NDE1: variants seen among roughly 807,000 people sequenced by gnomAD.
NDE1 encodes nudE neurodevelopment protein 1, also known as nuclear distribution protein nudE homolog 1.
In NDE1, 28 loss-of-function variants were observed where a neutral mutation model predicts 43.4. The observed-to-expected ratio is 0.65, with a 90% CI of 0.48 to 0.89. The LOEUF is 0.89. NDE1 is among the 40% of genes least tolerant of loss of function. The probability of loss-of-function intolerance (pLI) is 0.00; values close to 1 mark genes in which losing one functional copy is unlikely to be tolerated. For missense variants in NDE1, 441 were observed against 434.1 expected (o/e 1.02, Z -0.14); for synonymous variants, 184 against 172.0 (o/e 1.07, Z -0.55).
At chr16:15,649,097 G>A (rs1164545779), upstream of NDE1, among the ~76,000 whole-genome samples, 1 of 151,768 alleles carries the variant, frequency 6.6e-6, no homozygotes, top group East Asian at 2.0e-4. Context: ...TCGGGAGGCT[G>A]AAGCAGGAGA....
At chr16:15,670,997 A>G (rs184004721) in intron 3 of NDE1, among the ~76,000 whole-genome samples, 1 of 152,232 alleles carries the variant, frequency 6.6e-6, no homozygotes. Context: ...CTGCAGATCC[A>G]TCTGCCCCAT....
chr16:15,650,268 C>CTT lies in NDE1; in HGVS notation c.-70_-69insTT. On this transcript the variant is annotated 5_prime_UTR_variant, in exon 1 of 9. Transcript: ENST00000396354. Reference sequence around the variant, plus strand: ...TCGCAGCCGCCTCTGCCGCCGCCGCCGCGTTGGCCTCGCCGCCCCTGCTCG... The same window carrying CTT: ...TCGCAGCCGCCTCTGCCGCCGCCGCCTTGCGTTGGCCTCGCCGCCCCTGCTCG... The CTT allele has an allele frequency of 1.3e-5, 4 of 309,894 alleles. No individual in the cohort carries two copies. The highest frequency in any genetic ancestry group is 9.4e-5 in the South Asian group (4 of 42,414). The allele number at this position is 309,894 out of a possible 1,614,324, so 19.2% of individuals were successfully genotyped here.
At chr16:15,722,225 G>A (rs1428136414) in intron 8 of NDE1, among the ~76,000 whole-genome samples, 2 of 152,160 alleles carry the variant, frequency 1.3e-5, no homozygotes, top group African/African-American at 4.8e-5. Flanking sequence ...GTCAAAGTGA[G>A]ATTTAAAGCT....
At chr16:15,719,916 G>GTTCT (rs906403313) in intron 8 of NDE1, among the ~76,000 whole-genome samples, 1 of 152,172 alleles carries the variant, frequency 6.6e-6, no homozygotes, top group African/African-American at 2.4e-5. Flanking sequence ...AGACCTGCCT[G>GTTCT]AGAAGCTGAG....
intron 7 of NDE1, chr16:15,694,926 C>G (rs1433879793): frequency 8.1e-6 from 8 of 982,014 alleles, no homozygotes; most frequent in Non-Finnish European, 9.7e-6. Flanking sequence ...AATCCCAGTG[C>G]TTTGGGAGGC....
Position 15,694,188 on chromosome 16 carries a change from A to AC in NDE1, c.733dup (p.Leu245ProfsTer70), listed in dbSNP as rs749768828. The AC allele has an allele frequency of 5.6e-6, 9 of 1,611,762 alleles. No homozygotes were observed. The highest frequency in any genetic ancestry group is 1.9e-4 in the Middle Eastern group (1 of 5,130). On this transcript the variant is annotated frameshift_variant, in exon 7 of 9. Coordinates refer to ENST00000396354, the MANE Select transcript of NDE1 (RefSeq NM_017668.3). LOFTEE classifies it high-confidence loss of function. The stretch of plus-strand genomic sequence containing the variant: ...AGGCCTGGACGACTCCACCGGGGGG[A>AC]CCCCCCTCACACCTGCGGCCCGGAT...
At chr16:15,696,541 G>A (rs546471338) in intron 7 of NDE1, among the ~76,000 whole-genome samples, 168 bp from the exon 8 acceptor site, 329 of 152,266 alleles carry the variant, frequency 2.2e-3, no homozygotes, top group Middle Eastern at 3.4e-3. Flanking sequence ...AAGGTGCTTG[G>A]TTCTGAGACT....
intron 3 of NDE1, among the ~76,000 whole-genome samples, chr16:15,670,342 T>C (rs566307440): frequency 6.6e-6 from 1 of 152,050 alleles, no homozygotes; most frequent in Non-Finnish European, 1.5e-5. Flanking sequence ...GTCACAGAAC[T>C]CTGATGTGGG....
In NDE1 at chr16:15,687,381, G is replaced by C. The variant is rs771008516; in HGVS notation, c.393G>C (p.Thr131=). Reference sequence around the variant, plus strand: ...CTGCTTTTCTCTTCGCCAGCGCCACGATCATGTCTCTCGAAGACTTTGAGC... The same window carrying C: ...CTGCTTTTCTCTTCGCCAGCGCCACCATCATGTCTCTCGAAGACTTTGAGC... ...NDDLERAKRA[T]IMSLEDFEQR... The change falls in exon 5 of 9, where the codon ACG becomes ACC. Residue 131 remains threonine (T), a synonymous_variant. Coordinates refer to ENST00000396354, the MANE Select transcript of NDE1 (RefSeq NM_017668.3). The C allele has an allele frequency of 5.0e-6, 8 of 1,614,138 alleles. No individual in the cohort carries two copies. The highest frequency in any genetic ancestry group is 6.8e-6 in the Non-Finnish European group (8 of 1,180,026).
At chr16:15,719,109 C>G in intron 8 of NDE1, 1 of 1,071,354 alleles carries the variant, frequency 9.3e-7, no homozygotes, top group African/African-American at 1.6e-5. Context: ...GCCTGGGTGA[C>G]AGAATGAAAC....
intron 1 of NDE1, among the ~76,000 whole-genome samples, chr16:15,645,013 G>A (rs928578913): frequency 6.7e-6 from 1 of 149,338 alleles, no homozygotes; most frequent in Non-Finnish European, 1.5e-5. Flanking sequence ...TCCACCTCCC[G>A]GGTTCAACCG....
intron 6 of NDE1, among the ~76,000 whole-genome samples, chr16:15,693,687 C>A (rs189621296): frequency 6.6e-6 from 1 of 152,230 alleles, no homozygotes; most frequent in Non-Finnish European, 1.5e-5. Context: ...CGCCCGTAAT[C>A]CCAGCACTTT....
intron 3 of NDE1, among the ~76,000 whole-genome samples, chr16:15,671,652 G>A (rs1235670265): frequency 6.6e-6 from 1 of 152,132 alleles, no homozygotes; most frequent in African/African-American, 2.4e-5. Flanking sequence ...CTGAACACCT[G>A]CTACACACAA....
chr16:15,677,490 G>A (rs1414565185), intron 3 of NDE1, among the ~76,000 whole-genome samples: 1 of 152,042 alleles, frequency 6.6e-6, no homozygotes, highest in Admixed American at 6.6e-5. Context: ...GGAGGCTGAG[G>A]CAGGAGCATT....
chr16:15,689,865 G>A (rs897769983), intron 5 of NDE1, among the ~76,000 whole-genome samples: 8 of 67,730 alleles, frequency 1.2e-4, no homozygotes, highest in South Asian at 5.2e-4. Flanking sequence ...ACTTGAACCC[G>A]GGAGGCAGAT....
At chr16:15,704,354 C>CG (rs1275820024) in intron 8 of NDE1, among the ~76,000 whole-genome samples, 12 of 151,988 alleles carry the variant, frequency 7.9e-5, no homozygotes, top group Non-Finnish European at 1.0e-4. Flanking sequence ...AAATTGGTTG[C>CG]GGGGGTGGGT....
intron 8 of NDE1, chr16:15,710,967 C>T (rs7197790): frequency 0.052 from 7,916 of 152,496 alleles, 239 homozygotes; most frequent in South Asian, 0.11. Flanking sequence ...CGTGAGCCAC[C>T]GCGCTTTGCC....
At chr16:15,661,185 G>A (rs933533465) in intron 1 of NDE1, among the ~76,000 whole-genome samples, 2 of 141,172 alleles carry the variant, frequency 1.4e-5, no homozygotes, top group Non-Finnish European at 3.0e-5. Context: ...GTCTCGCTCT[G>A]TCACCCAGGC....
Position 15,721,064 on chromosome 16 carries a change from C to T in NDE1, c.948-3127C>T, listed in dbSNP as rs181115969. The T allele has an allele frequency of 1.5e-3, 2,486 of 1,613,274 alleles. 50 individuals are homozygous for T. The South Asian group carries it at 0.022, about 14-fold the overall frequency. Reference sequence around the variant, plus strand: ...CCAGCTCATGGACCTGCCGGCAGAGCGGGCAGCCCCATTCTATGAGGCTCA... The same window carrying T: ...CCAGCTCATGGACCTGCCGGCAGAGTGGGCAGCCCCATTCTATGAGGCTCA... On this transcript the variant is annotated intron_variant, in intron 8 of 8. Coordinates refer to ENST00000396354, the MANE Select transcript of NDE1 (RefSeq NM_017668.3).
Sources: gnomAD v4.1 joint callset for allele counts (sites outside exome capture counted in the v4.1 genomes callset) on GRCh38, gnomAD v4.1.1 for gene constraint, MANE v1.5 for transcripts, NCBI Gene and HGNC (gene_info 2026-07-23, HGNC 2026-07-21) for gene names.